ITGB3BP: variants seen among roughly 807,000 people sequenced by gnomAD.
ITGB3BP encodes centromere protein R.
In ITGB3BP, 27 loss-of-function variants were observed where a neutral mutation model predicts 29.1. The ratio of observed to expected loss-of-function variants is 0.93; its 90% confidence interval spans 0.68 to 1.28. The LOEUF is 1.28. Ranked by LOEUF, ITGB3BP falls within the 50% of genes most tolerant of loss-of-function variation. ITGB3BP has a pLI of 0.00. For synonymous variants in ITGB3BP, 61 were observed against 61.4 expected, an observed-to-expected ratio of 0.99 and a Z score of 0.03; for missense variants, 192 against 200.2, an observed-to-expected ratio of 0.96 and a Z score of 0.25.
chr1:63,517,325 A>G (rs1570337245), intron 1 of ITGB3BP, among the ~76,000 whole-genome samples: 1 of 151,876 alleles, frequency 6.6e-6, no homozygotes, highest in East Asian at 1.9e-4. Flanking sequence ...ACATGTATAT[A>G]TATGTAACTA....
At position 63,454,863 on chromosome 1, in the gene ITGB3BP, A is replaced by T. The variant is rs1356027793; in HGVS notation, c.333+27T>A. On this transcript the variant is annotated intron_variant, in intron 5 of 8. Coordinates refer to ENST00000271002, the MANE Select transcript of ITGB3BP (RefSeq NM_014288.5). This position sits in a 1 kb window ranked among gnomAD's most constrained non-coding sequence, Gnocchi z 4.1. Reference sequence around the variant, plus strand: ...TTCTTTCATTTTATCCTTTTCAAACAGGGTAGAAGTATGAAAAAATGCAAA... The same window carrying T: ...TTCTTTCATTTTATCCTTTTCAAACTGGGTAGAAGTATGAAAAAATGCAAA... The T allele has an allele frequency of 9.9e-7, 1 of 1,013,062 alleles. No individual in the cohort carries two copies. 62.8% of individuals were successfully genotyped at this position (1,013,062 alleles called of 1,614,324 possible).
intron 2 of ITGB3BP, among the ~76,000 whole-genome samples, chr1:63,505,324 G>A (rs1439306997): frequency 1.3e-5 from 2 of 152,064 alleles, no homozygotes; most frequent in African/African-American, 4.8e-5. Context: ...ATTCTCTGAT[G>A]GTAGTTTGTA....
intron 2 of ITGB3BP, among the ~76,000 whole-genome samples, chr1:63,506,238 T>C (rs1177917582): frequency 6.6e-6 from 1 of 152,230 alleles, no homozygotes; most frequent in Non-Finnish European, 1.5e-5. Context: ...TTAGCTCTTC[T>C]TGTTGAATTG....
Position 63,498,319 on chromosome 1 carries a change from T to C in ITGB3BP, c.49-8101A>G, listed in dbSNP as rs148419628. ...AACATGTTGGGCCACAAAACAGGTC[T>C]CAACACATTTAAAAAGAGGAAAATA... On this transcript the variant is annotated intron_variant, in intron 2 of 8. Coordinates refer to ENST00000271002, the MANE Select transcript of ITGB3BP (RefSeq NM_014288.5). Among the ~76,000 whole-genome samples the C allele has an allele frequency of 9.2e-5, 14 of 152,220 alleles. 1 individual carries two copies. The East Asian group carries it at 2.7e-3, about 29-fold the overall frequency.
intron 2 of ITGB3BP, among the ~76,000 whole-genome samples, chr1:63,501,726 G>A (rs1051632620): frequency 2.6e-5 from 4 of 152,036 alleles, no homozygotes; most frequent in African/African-American, 9.7e-5. Context: ...GCTGGGCATA[G>A]AGGCCTGTGC....
chr1:63,466,509 A>G (rs1342545090), intron 4 of ITGB3BP, among the ~76,000 whole-genome samples: 2 of 152,252 alleles, frequency 1.3e-5, no homozygotes, highest in Non-Finnish European at 2.9e-5. Flanking sequence ...ATAAAGCTGT[A>G]CGTTTCATCA....
At chr1:63,445,959 A>G (rs990696090) in intron 8 of ITGB3BP, among the ~76,000 whole-genome samples, 1 of 152,014 alleles carries the variant, frequency 6.6e-6, no homozygotes, top group Non-Finnish European at 1.5e-5. Context: ...GCTGGAGTGC[A>G]GTGGCGTGAT....
At chr1:63,514,507 C>T (rs554518595) in intron 1 of ITGB3BP, among the ~76,000 whole-genome samples, 2 of 152,094 alleles carry the variant, frequency 1.3e-5, no homozygotes, top group Non-Finnish European at 2.9e-5. Flanking sequence ...CTTTTATTAA[C>T]TATTGGTTCA....
intron 2 of ITGB3BP, among the ~76,000 whole-genome samples, chr1:63,493,088 A>ACACACGCGCGCGCG (rs372348238): frequency 3.4e-5 from 5 of 148,726 alleles, no homozygotes; most frequent in African/African-American, 7.6e-5. Flanking sequence ...ACACACACAC[A>ACACACGCGCGCGCG]CGCGCGCGCG....
Position 63,520,883 on chromosome 1 carries a change from C to T in ITGB3BP, c.5+2246G>A, listed in dbSNP as rs990053485. Among the ~76,000 whole-genome samples the T allele has an allele frequency of 8.5e-5, 13 of 152,108 alleles. 1 individual carries two copies. The highest frequency in any genetic ancestry group is 2.4e-4 in the African/African-American group (10 of 41,494). On this transcript the variant is annotated intron_variant, in intron 1 of 8. Coordinates refer to ENST00000271002, the MANE Select transcript of ITGB3BP (RefSeq NM_014288.5). Reference sequence around the variant, plus strand: ...TATAACCATAAGTAGCTTATTTTTGCGTGTTCTTAAGTTTTATAAGGATAA... The same window carrying T: ...TATAACCATAAGTAGCTTATTTTTGTGTGTTCTTAAGTTTTATAAGGATAA...
chr1:63,495,968 C>T (rs926676119), intron 2 of ITGB3BP, among the ~76,000 whole-genome samples: 1 of 152,078 alleles, frequency 6.6e-6, no homozygotes, highest in Non-Finnish European at 1.5e-5. Flanking sequence ...ATAACCCATT[C>T]TTGAGATAGG....
chr1:63,518,463 C>G (rs1646382322), intron 1 of ITGB3BP, among the ~76,000 whole-genome samples: 1 of 152,064 alleles, frequency 6.6e-6, no homozygotes, highest in South Asian at 2.1e-4. Flanking sequence ...TCTGCTCTTT[C>G]ATTTTGGATA....
intron 2 of ITGB3BP, among the ~76,000 whole-genome samples, chr1:63,505,379 G>A (rs1646051058): frequency 6.6e-6 from 1 of 151,834 alleles, no homozygotes; most frequent in Non-Finnish European, 1.5e-5. Context: ...ATTTTTTATT[G>A]CATCTATTTG....
In ITGB3BP at chr1:63,450,335, A is replaced by G. The variant is rs116822948; in HGVS notation, c.485-3479T>C. Among the ~76,000 whole-genome samples the G allele has an allele frequency of 4.4e-3, 670 of 152,086 alleles. 5 individuals carry two copies. The highest frequency in any genetic ancestry group is 0.015 in the African/African-American group (616 of 41,562). On this transcript the variant is annotated intron_variant, in intron 7 of 8. Coordinates refer to ENST00000271002, the MANE Select transcript of ITGB3BP (RefSeq NM_014288.5). ...GACTGAAGCTAAGTGTCTAGATTTCATATCTTGGCAACTGCTCTACAATTT... is the reference window on the plus strand; with the variant it reads ...GACTGAAGCTAAGTGTCTAGATTTCGTATCTTGGCAACTGCTCTACAATTT...
rs997587134 is a variant in ITGB3BP, at chr1:63,454,575, T to C, written c.334-102A>G. ...ATATTGTTTCCTTCATTTGAAAAAC[T>C]TAAACTTTATGTTAGGATATTTAAC... On this transcript the variant is annotated intron_variant, in intron 5 of 8. Coordinates refer to ENST00000271002, the MANE Select transcript of ITGB3BP (RefSeq NM_014288.5). The surrounding 1 kb of genome is among the most constrained non-coding windows in gnomAD (Gnocchi z 4.1). The C allele has an allele frequency of 3.9e-5, 22 of 562,030 alleles. No homozygotes were observed. Among genetic ancestry groups the C allele is most frequent in the Non-Finnish European group, 6.2e-5 (20 of 322,824 alleles). 34.8% of individuals were successfully genotyped at this position (562,030 alleles called of 1,614,324 possible).
intron 3 of ITGB3BP, among the ~76,000 whole-genome samples, chr1:63,479,108 T>G (rs1450788414): frequency 6.6e-6 from 1 of 152,186 alleles, no homozygotes; most frequent in Non-Finnish European, 1.5e-5. Flanking sequence ...ATAATTAGGT[T>G]AAAATGCATT....
chr1:63,469,561 G>T (rs1200762691), intron 4 of ITGB3BP, among the ~76,000 whole-genome samples: 1 of 152,144 alleles, frequency 6.6e-6, no homozygotes, highest in African/African-American at 2.4e-5. Context: ...CCCGACCTCA[G>T]GTGATCTGCC....
At chr1:63,479,073 T>G (rs1645392496) in intron 3 of ITGB3BP, among the ~76,000 whole-genome samples, 1 of 152,138 alleles carries the variant, frequency 6.6e-6, no homozygotes, top group African/African-American at 2.4e-5. Flanking sequence ...GGTTGGTATA[T>G]TAAAGAGAAA....
chr1:63,461,083 C>CAA (rs35518465), intron 4 of ITGB3BP, among the ~76,000 whole-genome samples: 14 of 97,538 alleles, frequency 1.4e-4, no homozygotes, highest in African/African-American at 5.0e-4. Flanking sequence ...ACTAAAACTA[C>CAA]AAAAAAAAAA....
Sources: allele counts gnomAD v4.1 joint callset (sites outside exome capture counted in the v4.1 genomes callset), GRCh38; gene constraint gnomAD v4.1.1; non-coding constraint Gnocchi (gnomAD v3.1); transcripts MANE v1.5; gene names NCBI Gene and HGNC (gene_info 2026-07-23, HGNC 2026-07-21).